Variants in MAP7 observed in about 807,000 individuals in gnomAD.
The protein encoded by MAP7 is ensconsin.
Under a neutral mutation model 94.8 loss-of-function variants are expected in MAP7, and 52 were observed. The observed-to-expected ratio is 0.55, with a 90% confidence interval of 0.44 to 0.69. The LOEUF (loss-of-function observed/expected upper bound fraction) is 0.69. Among genes scored for constraint, MAP7 ranks in the 30% least tolerant of loss-of-function variants. The probability of loss-of-function intolerance (pLI) is 0.00; values close to 1 mark genes in which losing one functional copy is unlikely to be tolerated. For synonymous variants in MAP7, 350 were observed against 357.0 expected (o/e 0.98, Z 0.22); for missense variants, 940 against 964.6 (o/e 0.97, Z 0.34).
intron 8 of MAP7, among the ~76,000 whole-genome samples, chr6:136,367,427 C>T (rs1273352065): frequency 6.6e-6 from 1 of 152,150 alleles, no homozygotes; most frequent in African/African-American, 2.4e-5. Flanking sequence ...TAGTACTGTA[C>T]CTTTTCTTCT....
At chr6:136,381,919 C>CACACACACACAGAGAGAG (rs373754692) in intron 6 of MAP7, among the ~76,000 whole-genome samples, 39 of 103,028 alleles carry the variant, frequency 3.8e-4, no homozygotes, top group African/African-American at 1.3e-3. Context: ...CACACACACA[C>CACACACACACAGAGAGAG]AGAGAGAGAG....
At chr6:136,549,322 GC>G (rs2129064143) in intron 1 of MAP7, among the ~76,000 whole-genome samples, 1 of 152,250 alleles carries the variant, frequency 6.6e-6, no homozygotes, top group South Asian at 2.1e-4. Context: ...GTAAGAAACT[GC>G]CTCACTGCCC....
chr6:136,444,622 T>C (rs1450103223), intron 1 of MAP7, among the ~76,000 whole-genome samples: 1 of 152,194 alleles, frequency 6.6e-6, no homozygotes, highest in African/African-American at 2.4e-5. Context: ...ACCTGTTCCT[T>C]ATAATTTGAT....
intron 1 of MAP7, among the ~76,000 whole-genome samples, chr6:136,443,600 A>G (rs1798507833): frequency 6.6e-6 from 1 of 151,838 alleles, no homozygotes; most frequent in Non-Finnish European, 1.5e-5. Flanking sequence ...ACAAGTGCAC[A>G]CCACCAGACC....
Position 136,550,332 on chromosome 6 carries a change from G to A in MAP7, c.67+10C>T, listed in dbSNP as rs1451723453. On this transcript the variant is annotated intron_variant, in intron 1 of 17. Coordinates refer to ENST00000354570, the MANE Select transcript of MAP7 (RefSeq NM_003980.6). The surrounding 1 kb of genome is among the most constrained non-coding windows in gnomAD (Gnocchi z 5.1). The stretch of plus-strand genomic sequence containing the variant: ...CGACGGGACCCCCACTATCCCCGCT[G>A]TGCGGTCACCTGTTTCGCTTCGCAC... 5 of 1,513,898 alleles carry A rather than the reference G, an allele frequency of 3.3e-6. No individual in the cohort carries two copies. In the South Asian group the frequency reaches 4.9e-5, roughly 15 times the overall value. The allele number at this position is 1,513,898 out of a possible 1,614,324, so 93.8% of individuals were successfully genotyped here. A position where few individuals can be genotyped will look rare whatever the true frequency, so the allele number is the denominator to read the frequency against.
intron 8 of MAP7, among the ~76,000 whole-genome samples, chr6:136,368,423 GGACTTTAATTTTATAATTAA>G (rs1794870696): frequency 6.6e-6 from 1 of 152,168 alleles, no homozygotes; most frequent in South Asian, 2.1e-4. Context: ...AGCAGGAAAA[GGACTTTAATTTTATAATTAA>G]GGTAGGTTTA....
At chr6:136,362,800 A>G (rs200742511) in intron 10 of MAP7, 98 bp from the exon 11 acceptor site, 14 of 1,481,840 alleles carry the variant, frequency 9.4e-6, no homozygotes, top group Non-Finnish European at 1.1e-5. Context: ...AGAATTTACC[A>G]TTATGAAAGA....
In MAP7 at chr6:136,389,460, T is replaced by G; in HGVS notation, c.302A>C (p.Lys101Thr). The G allele has an allele frequency of 1.2e-6, 2 of 1,611,114 alleles. No individual in the cohort carries two copies. The highest frequency in any genetic ancestry group is 1.1e-5 in the South Asian group (1 of 90,736). ...CCTCTTCTTCCGCTCTTCCAGGTGCTTCTCGTAGTGCTGCCTGGCTCGCTC... is the reference window on the plus strand; with the variant it reads ...CCTCTTCTTCCGCTCTTCCAGGTGCGTCTCGTAGTGCTGCCTGGCTCGCTC... ...REERARQHYE[K>T]HLEERKKRLE... The change falls in exon 4 of 18, where the codon AAG becomes ACG. Residue 101 changes from lysine (K) to threonine (T), a missense_variant. Transcript: ENST00000354570.
At chr6:136,378,399 G>A (rs1196544795) in intron 6 of MAP7, among the ~76,000 whole-genome samples, 1 of 152,188 alleles carries the variant, frequency 6.6e-6, no homozygotes, top group Non-Finnish European at 1.5e-5. Context: ...TGGGCAATGG[G>A]AGTATGTGTG....
At chr6:136,515,998 A>C (rs1180858816) in intron 1 of MAP7, among the ~76,000 whole-genome samples, 1 of 150,884 alleles carries the variant, frequency 6.6e-6, no homozygotes, top group Non-Finnish European at 1.5e-5. Context: ...CTGGGGGCAC[A>C]GTGTGAATCT....
At chr6:136,509,416 AT>A (rs56069303) in intron 1 of MAP7, among the ~76,000 whole-genome samples, 1 of 151,766 alleles carries the variant, frequency 6.6e-6, no homozygotes, top group Admixed American at 6.6e-5. Context: ...GAAGCTACTT[AT>A]TTTTTTAAGT....
Position 136,389,532 on chromosome 6 carries a change from A to T in MAP7, c.245-15T>A, listed in dbSNP as rs1780113734. On this transcript the variant is annotated splice_polypyrimidine_tract_variant and intron_variant, in intron 3 of 17. Transcript: ENST00000354570. ...TTCTCTTGCAGCTTTGGGGAGGGTT[A>T]AAAAAAAAAAAAAAGAGGGAAATCA... 1.5e-5 allele frequency: 2 copies of T among 137,824 alleles called. No individual in the cohort carries two copies. The highest frequency in any genetic ancestry group is 1.6e-4 in the Admixed American group (2 of 12,350). 8.5% of individuals were successfully genotyped at this position (137,824 alleles called of 1,614,324 possible). A position where few individuals can be genotyped will look rare whatever the true frequency, so the allele number is the denominator to read the frequency against.
chr6:136,495,008 C>T (rs551080342), intron 1 of MAP7, among the ~76,000 whole-genome samples: 1 of 152,158 alleles, frequency 6.6e-6, no homozygotes, highest in Non-Finnish European at 1.5e-5. Context: ...ACTAAAACTT[C>T]TTATACAGCA....
chr6:136,480,650 A>G (rs1180818835), intron 1 of MAP7, among the ~76,000 whole-genome samples: 3 of 149,428 alleles, frequency 2.0e-5, no homozygotes, highest in Non-Finnish European at 3.0e-5. Context: ...TCAAAAAAAA[A>G]AAAAAAAAAA....
At chr6:136,351,236 TAAAAA>T (rs534706295) in intron 16 of MAP7, among the ~76,000 whole-genome samples, 1 of 120,214 alleles carries the variant, frequency 8.3e-6, no homozygotes, top group Admixed American at 8.3e-5. Flanking sequence ...GTTTTGATGG[TAAAAA>T]AAAAAAAAAA....
intron 7 of MAP7, among the ~76,000 whole-genome samples, chr6:136,373,456 C>T (rs1775185960): frequency 6.6e-6 from 1 of 152,186 alleles, no homozygotes; most frequent in African/African-American, 2.4e-5. Context: ...TACAGTTTTA[C>T]TCAAGATGGA....
At chr6:136,524,399 T>C (rs922888226) in intron 1 of MAP7, among the ~76,000 whole-genome samples, 6 of 152,234 alleles carry the variant, frequency 3.9e-5, no homozygotes, top group Admixed American at 6.5e-5. Context: ...TTTTAAAAGT[T>C]ACCAACTTTT....
chr6:136,448,883 C>A (rs1800156734), intron 1 of MAP7, among the ~76,000 whole-genome samples: 1 of 152,008 alleles, frequency 6.6e-6, no homozygotes, highest in South Asian at 2.1e-4. Context: ...TTTGAAAAAG[C>A]CTCATGCACT....
At chr6:136,509,581 C>A (rs1256601353) in intron 1 of MAP7, among the ~76,000 whole-genome samples, 1 of 151,992 alleles carries the variant, frequency 6.6e-6, no homozygotes, top group Non-Finnish European at 1.5e-5. Flanking sequence ...TTTTTTGAGA[C>A]AGGGTCTCAT....
Sources: gnomAD v4.1 joint callset for allele counts (sites outside exome capture counted in the v4.1 genomes callset) on GRCh38, gnomAD v4.1.1 for gene constraint, Gnocchi (gnomAD v3.1) non-coding constraint, MANE v1.5 for transcripts, NCBI Gene and HGNC (gene_info 2026-07-23, HGNC 2026-07-21) for gene names.